ME3: variants seen among roughly 807,000 people sequenced by gnomAD.
ME3 encodes NADP-dependent malic enzyme, mitochondrial.
Under a neutral mutation model 68.9 loss-of-function variants are expected in ME3, and 48 were observed. The observed-to-expected ratio is 0.70, with a 90% CI of 0.55 to 0.89. ME3 has a LOEUF of 0.89. Ranked by LOEUF, ME3 falls within the 40% of genes least tolerant of loss-of-function variation. The pLI is 0.00. For synonymous variants in ME3, 320 were observed against 318.8 expected, an observed-to-expected ratio of 1.00 and a Z score of -0.04; for missense variants, 675 against 797.4, an observed-to-expected ratio of 0.85 and a Z score of 1.85.
chr11:86,579,799 C>A (rs1018166918), intron 2 of ME3, among the ~76,000 whole-genome samples: 2 of 152,146 alleles, frequency 1.3e-5, no homozygotes, highest in African/African-American at 4.8e-5. Flanking sequence ...TGACCTAATG[C>A]AGATCTAAAA....
chr11:86,570,088 G>A (rs1957704136), intron 2 of ME3, among the ~76,000 whole-genome samples: 1 of 152,102 alleles, frequency 6.6e-6, no homozygotes. Flanking sequence ...CATGCACCTG[G>A]CCCACGGCAC....
At chr11:86,479,414 C>A (rs76070599) in intron 7 of ME3, among the ~76,000 whole-genome samples, 2,514 of 152,332 alleles carry the variant, frequency 0.017, 69 homozygotes, top group African/African-American at 0.056. Flanking sequence ...CCTATTGGTT[C>A]TGTTACTCTG....
At chr11:86,582,347 G>A (rs1958487331) in intron 2 of ME3, among the ~76,000 whole-genome samples, 1 of 152,236 alleles carries the variant, frequency 6.6e-6, no homozygotes, top group Non-Finnish European at 1.5e-5. Flanking sequence ...GTGTGCATCA[G>A]AAGCACCTTA....
At chr11:86,464,130 T>TG (rs764692661) in intron 8 of ME3, 23 of 449,882 alleles carry the variant, frequency 5.1e-5, no homozygotes, top group Non-Finnish European at 9.3e-5. Flanking sequence ...AGAAGTCATC[T>TG]GCAAAATGAG....
At chr11:86,500,290 A>AG (rs1347923383) in intron 5 of ME3, among the ~76,000 whole-genome samples, 3 of 152,226 alleles carry the variant, frequency 2.0e-5, no homozygotes, top group African/African-American at 7.2e-5. Context: ...CTGCTACTCC[A>AG]GGCTGTTATC....
intron 4 of ME3, among the ~76,000 whole-genome samples, chr11:86,529,552 A>C (rs887992646): frequency 6.6e-6 from 1 of 152,086 alleles, no homozygotes; most frequent in African/African-American, 2.4e-5. Flanking sequence ...GAGACACAAC[A>C]AAAAAAGAGA....
chr11:86,597,886 G>A (rs1447762942), intron 2 of ME3, among the ~76,000 whole-genome samples: 1 of 151,920 alleles, frequency 6.6e-6, no homozygotes, highest in Non-Finnish European at 1.5e-5. Flanking sequence ...GTATTTGATT[G>A]ATGTCTCATG....
chr11:86,507,674 G>A (rs1256237077), intron 5 of ME3, among the ~76,000 whole-genome samples: 1 of 152,176 alleles, frequency 6.6e-6, no homozygotes, highest in African/African-American at 2.4e-5. Context: ...CTACAAAGTT[G>A]CATGTTTTAT....
chr11:86,659,389 T>C (rs1302242335), intron 2 of ME3, among the ~76,000 whole-genome samples: 2 of 152,172 alleles, frequency 1.3e-5, no homozygotes, highest in Non-Finnish European at 1.5e-5. Flanking sequence ...CAGACATCAC[T>C]CAAGGAGGGA....
At chr11:86,598,786 G>A (rs549006291) in intron 2 of ME3, among the ~76,000 whole-genome samples, 4 of 152,248 alleles carry the variant, frequency 2.6e-5, no homozygotes, top group South Asian at 2.1e-4. Flanking sequence ...CAGCATTCGC[G>A]GATCACGAAA....
At chr11:86,626,626 G>A (rs73524100) in intron 2 of ME3, among the ~76,000 whole-genome samples, 54 of 152,324 alleles carry the variant, frequency 3.5e-4, no homozygotes, top group African/African-American at 1.2e-3. Flanking sequence ...AGCAGAGACT[G>A]TCAAACATTT....
intron 4 of ME3, among the ~76,000 whole-genome samples, chr11:86,537,558 G>A (rs582976): frequency 0.077 from 11,789 of 152,120 alleles, 580 homozygotes; most frequent in East Asian, 0.26. Flanking sequence ...TTAATTTATA[G>A]CTTCATGAAC....
intron 7 of ME3, among the ~76,000 whole-genome samples, chr11:86,470,133 A>G (rs980682978): frequency 6.6e-6 from 1 of 152,094 alleles, no homozygotes; most frequent in Admixed American, 6.5e-5. Flanking sequence ...TCTCTTTTCC[A>G]TAGGTCAGGA....
chr11:86,562,426 C>T (rs906394859), intron 2 of ME3, among the ~76,000 whole-genome samples: 2 of 152,120 alleles, frequency 1.3e-5, no homozygotes, highest in African/African-American at 4.8e-5. Context: ...ACTGCTGGAT[C>T]ATATGGTAAA....
Position 86,495,139 on chromosome 11 carries a change from G to A in ME3, c.705+2824C>T, listed in dbSNP as rs115227351. On this transcript the variant is annotated intron_variant, in intron 6 of 14. Transcript: ENST00000543262. ...GGGAGAGGAGCACAAACTTGGATTC[G>A]GCTCCTAGCCCTGCCGCTTCTAGCA... 3.0e-3 allele frequency among the ~76,000 whole-genome samples: 462 copies of A among 152,268 alleles called. 4 individuals are homozygous for A. The highest frequency in any genetic ancestry group is 0.011 in the African/African-American group (450 of 41,538).
intron 2 of ME3, among the ~76,000 whole-genome samples, chr11:86,632,069 G>C (rs60234749): frequency 6.2e-4 from 95 of 152,320 alleles, no homozygotes; most frequent in African/African-American, 2.2e-3. Context: ...GAAGACCACA[G>C]ATGAAGAAAC....
chr11:86,471,166 T>TC (rs1245319163), intron 7 of ME3, among the ~76,000 whole-genome samples: 16 of 138,978 alleles, frequency 1.2e-4, no homozygotes, highest in Non-Finnish European at 2.3e-4. Flanking sequence ...TTTTTTTTTT[T>TC]TGAGAGACAG....
At chr11:86,468,177 C>T (rs1264775704) in intron 7 of ME3, among the ~76,000 whole-genome samples, 1 of 152,234 alleles carries the variant, frequency 6.6e-6, no homozygotes, top group Admixed American at 6.5e-5. Context: ...CTGAGCCCTT[C>T]ACCATGTTAT....
chr11:86,660,801 G>A (rs1020313704), intron 2 of ME3, among the ~76,000 whole-genome samples: 5 of 152,156 alleles, frequency 3.3e-5, no homozygotes, highest in Admixed American at 3.3e-4. Flanking sequence ...ATTCTTTAGA[G>A]GAAGTGCACC....
Sources: gnomAD v4.1 joint callset for allele counts (sites outside exome capture counted in the v4.1 genomes callset) on GRCh38, gnomAD v4.1.1 for gene constraint, MANE v1.5 for transcripts, NCBI Gene and HGNC (gene_info 2026-07-23, HGNC 2026-07-21) for gene names.